DIS3L2: variants seen among roughly 807,000 people sequenced by gnomAD.
DIS3L2 encodes the protein DIS3-like exonuclease 2.
In DIS3L2, 34 loss-of-function variants were observed where a neutral mutation model predicts 97.5. The observed-to-expected ratio is 0.35, with a 90% CI of 0.27 to 0.46. The LOEUF is 0.46. DIS3L2 is among the 20% of genes least tolerant of loss of function. The pLI is 1.00. For synonymous variants in DIS3L2, 435 were observed against 445.2 expected (o/e 0.98, Z 0.29); for missense variants, 1,038 against 1,146.0 (o/e 0.91, Z 1.36).
chr2:232,058,308 G>A (rs948770583), intron 5 of DIS3L2, among the ~76,000 whole-genome samples: 34 of 152,244 alleles, frequency 2.2e-4, no homozygotes, highest in Admixed American at 9.8e-4. Context: ...CCAGTACCTC[G>A]GTTCTTGACG....
At chr2:232,129,406 T>C (rs1666990553) in intron 6 of DIS3L2, among the ~76,000 whole-genome samples, 1 of 152,216 alleles carries the variant, frequency 6.6e-6, no homozygotes, top group African/African-American at 2.4e-5. Context: ...CTAAAAGCAT[T>C]TGATGATTTT....
At chr2:232,155,088 C>T (rs1340360632) in intron 8 of DIS3L2, among the ~76,000 whole-genome samples, 1 of 150,658 alleles carries the variant, frequency 6.6e-6, no homozygotes, top group African/African-American at 2.5e-5. Flanking sequence ...ACACACTGGC[C>T]TGCGCCCACT....
chr2:232,253,984 C>T (rs1693486378), intron 12 of DIS3L2, among the ~76,000 whole-genome samples: 1 of 152,202 alleles, frequency 6.6e-6, no homozygotes, highest in African/African-American at 2.4e-5. Flanking sequence ...CCAGATTCAA[C>T]TATCAAGACA....
At chr2:231,972,487 A>C (rs1692948363) in intron 1 of DIS3L2, among the ~76,000 whole-genome samples, 1 of 152,234 alleles carries the variant, frequency 6.6e-6, no homozygotes, top group Admixed American at 6.5e-5. Flanking sequence ...GCCATAGCAT[A>C]TATGTCTGTC....
intron 5 of DIS3L2, among the ~76,000 whole-genome samples, chr2:232,086,655 A>ATGTG (rs1181414392): frequency 4.0e-5 from 2 of 50,592 alleles, no homozygotes; most frequent in African/African-American, 2.2e-4. Context: ...GTATATATAT[A>ATGTG]TATATGTGTG....
At chr2:232,071,080 A>T (rs1299635403) in intron 5 of DIS3L2, among the ~76,000 whole-genome samples, 1 of 152,150 alleles carries the variant, frequency 6.6e-6, no homozygotes, top group Non-Finnish European at 1.5e-5. Context: ...ACGGGTGCTG[A>T]TTATTTCTCC....
At chr2:232,242,423 C>T (rs925138777) in intron 11 of DIS3L2, among the ~76,000 whole-genome samples, 1 of 152,160 alleles carries the variant, frequency 6.6e-6, no homozygotes, top group African/African-American at 2.4e-5. Context: ...GCAACCTCTC[C>T]AGGTAGTGGA....
intron 10 of DIS3L2, 29 bp downstream of exon 10, chr2:232,210,434 G>A: frequency 6.3e-7 from 1 of 1,596,058 alleles, no homozygotes; most frequent in East Asian, 2.2e-5. Flanking sequence ...TAGCATCTTG[G>A]GTAGCAGGCA....
At chr2:232,173,703 T>C (rs1553613261) in intron 9 of DIS3L2, among the ~76,000 whole-genome samples, 1 of 152,206 alleles carries the variant, frequency 6.6e-6, no homozygotes, top group Non-Finnish European at 1.5e-5. Context: ...TGATTCTTTC[T>C]TCATGAAATT....
intron 7 of DIS3L2, among the ~76,000 whole-genome samples, chr2:232,133,167 A>G (rs2106352292): frequency 6.6e-6 from 1 of 152,302 alleles, no homozygotes; most frequent in South Asian, 2.1e-4. Flanking sequence ...CAAGAAACCC[A>G]AAATGGGAAG....
At chr2:232,312,838 G>A (rs1695172651) in intron 14 of DIS3L2, among the ~76,000 whole-genome samples, 1 of 152,048 alleles carries the variant, frequency 6.6e-6, no homozygotes, top group Admixed American at 6.5e-5. Context: ...TTGATTTGTG[G>A]TACTATTTTA....
At chr2:232,095,952 G>A (rs969797466) in intron 6 of DIS3L2, among the ~76,000 whole-genome samples, 1 of 151,220 alleles carries the variant, frequency 6.6e-6, no homozygotes, top group Non-Finnish European at 1.5e-5. Flanking sequence ...ATGTTTGTTT[G>A]TTTGTTTCTC....
At chr2:232,044,189 A>G (rs561092708) in intron 5 of DIS3L2, among the ~76,000 whole-genome samples, 1 of 152,270 alleles carries the variant, frequency 6.6e-6, no homozygotes, top group East Asian at 1.9e-4. Context: ...CTGGGGAGTC[A>G]CTGAATGATT....
At chr2:232,262,674 A>G (rs1693741763) in intron 12 of DIS3L2, among the ~76,000 whole-genome samples, 1 of 152,218 alleles carries the variant, frequency 6.6e-6, no homozygotes, top group African/African-American at 2.4e-5. Context: ...AGCCTGTTCT[A>G]GACTTCTGTC....
At chr2:232,343,678 A>G in exon 14 of DIS3L2, 1 of 1,281,726 alleles carries the variant, frequency 7.8e-7, no homozygotes, top group Non-Finnish European at 1.1e-6. Context: ...CCAGTAGAAA[A>G]GGAGCTGGAT....
chr2:232,016,026 C>A (rs1574813206), intron 3 of DIS3L2: 1 of 170,654 alleles, frequency 5.9e-6, no homozygotes, highest in Non-Finnish European at 1.3e-5. Context: ...GAGAGCTTTA[C>A]AAATGTAGGG....
chr2:232,267,519 T>C (rs545520975), intron 13 of DIS3L2, among the ~76,000 whole-genome samples: 7 of 152,372 alleles, frequency 4.6e-5, no homozygotes, highest in Middle Eastern at 6.8e-3. Flanking sequence ...GGACTTAACA[T>C]AGATGTTTGT....
At chr2:232,248,219 A>AT (rs36054789) in intron 11 of DIS3L2, among the ~76,000 whole-genome samples, 33,305 of 152,120 alleles carry the variant, frequency 0.22, 4,429 homozygotes, top group South Asian at 0.47. Context: ...ATGTCCCTCA[A>AT]TTACAGCATG....
chr2:232,136,683 T>C lies in DIS3L2; in HGVS notation c.914T>C (p.Ile305Thr), dbSNP rs1213683267. Residue 305 changes from isoleucine to threonine, a missense_variant, in exon 8 of 21, where the codon ATT becomes ACT. Physicochemically the swap from Ile to Thr is moderately conservative, Grantham distance 89. This residue lies in a region of DIS3L2 where 813 missense variants were observed against 880.1 expected (regional missense o/e 0.92). Coordinates refer to ENST00000325385, the MANE Select transcript of DIS3L2 (RefSeq NM_152383.5). The stretch of plus-strand genomic sequence containing the variant: ...GCCAACACACTGTTCATCTGCCGCA[T>C]TGTGGACTGGAAGGAGGACTGCAAT... The part of the protein sequence containing the change: ...DYANTLFICR[I>T]VDWKEDCNFA... 1 of 1,614,004 alleles carries C rather than the reference T, an allele frequency of 6.2e-7. No individual in the cohort carries two copies. The highest frequency in any genetic ancestry group is 8.5e-7 in the Non-Finnish European group (1 of 1,179,918).
Sources: allele counts gnomAD v4.1 joint callset (sites outside exome capture counted in the v4.1 genomes callset), GRCh38; gene constraint gnomAD v4.1.1; regional missense constraint gnomAD v4.1.1; transcripts MANE v1.5; gene names NCBI Gene and HGNC (gene_info 2026-07-23, HGNC 2026-07-21).